The following UNC45B variants were observed in gnomAD, a reference collection of about 807,000 sequenced individuals.
UNC45B encodes protein unc-45 homolog B.
Under a neutral mutation model 98.7 loss-of-function variants are expected in UNC45B, and 78 were observed. The ratio of observed to expected loss-of-function variants is 0.79; its 90% CI spans 0.66 to 0.95. UNC45B has a LOEUF of 0.95. Among genes scored for constraint, UNC45B ranks in the 40% least tolerant of loss-of-function variants. The probability of loss-of-function intolerance (pLI) is 0.00; values close to 1 mark genes in which losing one functional copy is unlikely to be tolerated. For synonymous variants in UNC45B, 462 were observed against 480.4 expected (o/e 0.96, Z 0.50); for missense variants, 1,225 against 1,184.9 (o/e 1.03, Z -0.50).
Position 35,164,132 on chromosome 17 carries a change from G to C in UNC45B, c.1117G>C (p.Asp373His), listed in dbSNP as rs148057044. 1.2e-6 allele frequency: 2 copies of C among 1,613,302 alleles called. No individual in the cohort carries two copies. Among genetic ancestry groups the C allele is most frequent in the East Asian group, 2.2e-5 (1 of 44,782 alleles). ...YDDLRCDPER[D>H]HFRKICEEYI... ...TGACCTGCGCTGTGACCCGGAGCGC[G>C]ATCACTTCCGCAAGATCTGTGAGGA... The change falls in exon 9 of 20, where the codon GAT becomes CAT. Residue 373 changes from aspartate to histidine, a missense_variant. Physicochemically the swap from Asp to His is moderately conservative, Grantham distance 81. Transcript: ENST00000394570.
At chr17:35,173,747 C>T (rs557475225) in intron 13 of UNC45B, among the ~76,000 whole-genome samples, 9 of 151,910 alleles carry the variant, frequency 5.9e-5, no homozygotes, top group Admixed American at 3.9e-4. Flanking sequence ...TTAACTTAAT[C>T]GTGTCTGCAA....
intron 4 of UNC45B, among the ~76,000 whole-genome samples, chr17:35,151,404 T>G (rs1027738561): frequency 6.6e-6 from 1 of 152,066 alleles, no homozygotes; most frequent in Non-Finnish European, 1.5e-5. Context: ...TTGGCCAGAC[T>G]CTCTCGAACT....
chr17:35,185,006 C>T (rs2092295106), intron 19 of UNC45B, among the ~76,000 whole-genome samples: 1 of 152,148 alleles, frequency 6.6e-6, no homozygotes, highest in Non-Finnish European at 1.5e-5. Flanking sequence ...TGACTCATCC[C>T]AGGGAGCGAT....
chr17:35,153,178 C>T (rs1597906053), intron 5 of UNC45B, among the ~76,000 whole-genome samples, 196 bp downstream of exon 5: 1 of 152,152 alleles, frequency 6.6e-6, no homozygotes, highest in African/African-American at 2.4e-5. Flanking sequence ...TGAGGAGAGT[C>T]ATGCAGCAAG....
chr17:35,170,235 G>C lies in UNC45B; in HGVS notation c.1669G>C (p.Ala557Pro). Residue 557 changes from alanine (A) to proline (P), a missense_variant, in exon 12 of 20, where the codon GCC becomes CCC. By Grantham distance (27) the Ala-to-Pro change is conservative. Transcript: ENST00000394570. ...TGTCCAGGACGTCCCTGCCCTGCAG[G>C]CCATGTTTGAGCTGGCCAAGGCAGG... ...DFVQDVPALQAMFELAKTSDK... is the reference protein window; with the variant it reads ...DFVQDVPALQPMFELAKTSDK... The C allele has an allele frequency of 1.2e-6, 2 of 1,611,348 alleles. No homozygotes were observed.
chr17:35,174,014 T>C (rs2092208638), intron 13 of UNC45B, among the ~76,000 whole-genome samples: 1 of 151,888 alleles, frequency 6.6e-6, no homozygotes, highest in Non-Finnish European at 1.5e-5. Flanking sequence ...GGTTTTACCG[T>C]GTTAGCCAGG....
chr17:35,163,298 C>T (rs1459826119), intron 8 of UNC45B, among the ~76,000 whole-genome samples: 2 of 152,110 alleles, frequency 1.3e-5, no homozygotes, highest in African/African-American at 4.8e-5. Context: ...TGTCAGTTTT[C>T]CCTATTGTAT....
rs368191220 is a variant in UNC45B, at chr17:35,150,274, T to C, written c.381+51T>C. 4 of 1,562,784 alleles carry C rather than the reference T, an allele frequency of 2.6e-6. No homozygotes were observed. In the African/African-American group the frequency reaches 4.1e-5, roughly 16 times the overall value. On this transcript the variant is annotated intron_variant, in intron 4 of 19. Transcript: ENST00000394570. ...CTTGGCTGCCCAGCCCCTCTCTTCA[T>C]TCCTAGTAGGAATGGGTTAGGGAGG...
intron 4 of UNC45B, among the ~76,000 whole-genome samples, chr17:35,151,658 T>C (rs1279556713): frequency 1.3e-5 from 2 of 152,264 alleles, no homozygotes; most frequent in Admixed American, 6.5e-5. Context: ...GCTCCAAGAC[T>C]CAATAACTTC....
rs769029330 is a variant in UNC45B, at chr17:35,150,146, C to G, written c.304C>G (p.Arg102Gly). ...KLDQAFKDVQ[R>G]CATLEPRNQN... ...GGACCAGGCCTTCAAAGACGTGCAGCGTTGTGCCACCCTCGAGCCACGGAA... is the reference window on the plus strand; with the variant it reads ...GGACCAGGCCTTCAAAGACGTGCAGGGTTGTGCCACCCTCGAGCCACGGAA... The change falls in exon 4 of 20, where the codon CGT becomes GGT. Residue 102 changes from arginine to glycine, a missense_variant. By Grantham distance (125) the Arg-to-Gly change is moderately radical. Coordinates refer to ENST00000394570, the MANE Select transcript of UNC45B (RefSeq NM_001267052.2). 7 of 1,613,874 alleles carry G rather than the reference C, an allele frequency of 4.3e-6. No homozygotes were observed. In the Admixed American group the frequency reaches 1.0e-4, roughly 23 times the overall value.
In UNC45B at chr17:35,171,314, C is replaced by T; in HGVS notation, c.1690-8C>T. ...TGCTTTCCCTCTCCCCAACCCTGTGCCTTCCAGACCAGTGACAAGACCATC... is the reference window on the plus strand; with the variant it reads ...TGCTTTCCCTCTCCCCAACCCTGTGTCTTCCAGACCAGTGACAAGACCATC... On this transcript the variant is annotated splice_polypyrimidine_tract_variant and splice_region_variant and intron_variant, in intron 12 of 19. Coordinates refer to ENST00000394570, the MANE Select transcript of UNC45B (RefSeq NM_001267052.2). The T allele has an allele frequency of 6.2e-7, 1 of 1,613,476 alleles. No individual in the cohort carries two copies. Among genetic ancestry groups the T allele is most frequent in the East Asian group, 2.2e-5 (1 of 44,838 alleles).
chr17:35,173,494 G>A (rs1393254081), intron 13 of UNC45B, among the ~76,000 whole-genome samples: 1 of 152,094 alleles, frequency 6.6e-6, no homozygotes, highest in East Asian at 1.9e-4. Context: ...CTAAAGTCAA[G>A]GTGTTAGCAG....
At chr17:35,184,700 G>A (rs191153926) in intron 19 of UNC45B, among the ~76,000 whole-genome samples, 3 of 152,162 alleles carry the variant, frequency 2.0e-5, no homozygotes, top group African/African-American at 4.8e-5. Flanking sequence ...CCAAGGCCAC[G>A]CAGGCTGTTA....
intron 10 of UNC45B, 52 bp from the exon 11 acceptor site, chr17:35,169,785 A>G: frequency 6.5e-7 from 1 of 1,543,610 alleles, no homozygotes; most frequent in South Asian, 1.1e-5. Context: ...TTCATCCCCA[A>G]GCCTTGGTGT....
At chr17:35,155,672 C>T (rs1321357514) in intron 7 of UNC45B, among the ~76,000 whole-genome samples, 1 of 152,182 alleles carries the variant, frequency 6.6e-6, no homozygotes, top group African/African-American at 2.4e-5. Flanking sequence ...TGGATTCAAG[C>T]ACTTCTCCTG....
chr17:35,165,858 G>C, intron 9 of UNC45B, among the ~76,000 whole-genome samples: 1 of 151,938 alleles, frequency 6.6e-6, no homozygotes, highest in Non-Finnish European at 1.5e-5. Context: ...AGAATCGCTT[G>C]AACCCAGGAG....
intron 16 of UNC45B, 124 bp downstream of exon 16, chr17:35,177,254 T>C (rs2092241013): frequency 3.3e-6 from 3 of 916,766 alleles, no homozygotes; most frequent in Non-Finnish European, 3.3e-6. Flanking sequence ...CGGAGGGTGA[T>C]GCATGGAGGC....
chr17:35,158,840 A>G (rs2092081680), intron 7 of UNC45B, among the ~76,000 whole-genome samples: 2 of 152,166 alleles, frequency 1.3e-5, no homozygotes, highest in Non-Finnish European at 2.9e-5. Flanking sequence ...TCCATCCTAG[A>G]ATGAGAACAA....
rs930826079 is a variant in UNC45B, at chr17:35,152,245, CA to C, written c.382-637del. Among the ~76,000 whole-genome samples the C allele has an allele frequency of 3.8e-3, 546 of 145,058 alleles. 4 individuals are homozygous for C. The highest frequency in any genetic ancestry group is 0.012 in the African/African-American group (475 of 39,642). Reference sequence around the variant, plus strand: ...TGGGTGACAGAGCAAGACTGCATCTCAAAAAAAAAAATTAAAAATTAAAAAA... The same window carrying C: ...TGGGTGACAGAGCAAGACTGCATCTCAAAAAAAAAATTAAAAATTAAAAAA... On this transcript the variant is annotated intron_variant, in intron 4 of 19. Coordinates refer to ENST00000394570, the MANE Select transcript of UNC45B (RefSeq NM_001267052.2).
Sources: allele counts gnomAD v4.1 joint callset (sites outside exome capture counted in the v4.1 genomes callset), GRCh38; gene constraint gnomAD v4.1.1; transcripts MANE v1.5; gene names NCBI Gene and HGNC (gene_info 2026-07-23, HGNC 2026-07-21).